The following SETD4 variants were observed in gnomAD, a reference collection of about 807,000 sequenced individuals.
SETD4 encodes SET domain containing 4.
A neutral mutation model predicts 58.3 loss-of-function variants in SETD4; 46 were observed. The observed-to-expected ratio is 0.79, with a 90% confidence interval of 0.62 to 1.01. SETD4 has a LOEUF of 1.01. SETD4 is among the 50% of genes least tolerant of loss of function. SETD4 has a pLI of 0.00. For synonymous variants in SETD4, 190 were observed against 202.6 expected (o/e 0.94, Z 0.53); for missense variants, 490 against 523.3 (o/e 0.94, Z 0.62).
intron 2 of SETD4, among the ~76,000 whole-genome samples, chr21:36,057,744 G>C (rs982609721): frequency 6.6e-6 from 1 of 152,190 alleles, no homozygotes; most frequent in African/African-American, 2.4e-5. Flanking sequence ...GTGTGATATT[G>C]TCAAAACAGA....
chr21:36,056,351 T>C (rs769025098), intron 3 of SETD4, among the ~76,000 whole-genome samples: 2 of 152,238 alleles, frequency 1.3e-5, no homozygotes, highest in Non-Finnish European at 2.9e-5. Flanking sequence ...CAGCCTGCCC[T>C]GTGATGTAGA....
rs540725974 is a variant in SETD4 at position 36,045,824 on chromosome 21, G to A, written c.484C>T (p.Gln162Ter). ...PKSLKAKAEE[Q>*]RAHVQEFFAS... ...AAGAACTCCTGCACGTGGGCTCTCT[G>A]CTCTTCAGCCTTTGCTTTTAAAGAT... Residue 162 changes from glutamine (Q) to a stop codon, truncating the protein, a stop_gained, in exon 6 of 12, where the codon CAG (glutamine) becomes TAG (stop). Transcript: ENST00000332131. LOFTEE classifies it high-confidence loss of function. 1.9e-5 allele frequency: 31 copies of A among 1,614,052 alleles called. 1 individual carries two copies. The South Asian group carries it at 3.3e-4, about 17-fold the overall frequency.
At chr21:36,044,548 C>G (rs1481519008) in intron 6 of SETD4, among the ~76,000 whole-genome samples, 1 of 152,216 alleles carries the variant, frequency 6.6e-6, no homozygotes, top group Non-Finnish European at 1.5e-5. Context: ...TCCTATCACA[C>G]TACACACTCC....
chr21:36,050,336 C>G, intron 4 of SETD4: 2 of 1,613,246 alleles, frequency 1.2e-6, no homozygotes, highest in Non-Finnish European at 1.7e-6. Context: ...AGGAACTGGA[C>G]TTTAGGGCTG....
At chr21:36,043,308 G>T in intron 7 of SETD4, 1 of 250,020 alleles carries the variant, frequency 4.0e-6, no homozygotes, top group South Asian at 1.4e-4. Context: ...GATCACAAAA[G>T]AACATACATG....
At chr21:36,044,478 A>G (rs139522456) in intron 6 of SETD4, among the ~76,000 whole-genome samples, 2 of 152,348 alleles carry the variant, frequency 1.3e-5, no homozygotes, top group Non-Finnish European at 2.9e-5. Flanking sequence ...TTTGGCACAT[A>G]AATGCACCAA....
At chr21:36,058,272 A>C (rs1297027249) in intron 2 of SETD4, among the ~76,000 whole-genome samples, 1 of 152,140 alleles carries the variant, frequency 6.6e-6, no homozygotes, top group Non-Finnish European at 1.5e-5. Context: ...AGGCCAAGGC[A>C]GGAGGACCAC....
intron 1 of SETD4, chr21:36,059,753 T>G: frequency 1.0e-6 from 1 of 985,104 alleles, no homozygotes; most frequent in Non-Finnish European, 1.2e-6. Context: ...AGGGCAGAAA[T>G]GAGCAAGAGA....
chr21:36,057,392 T>TC, intron 2 of SETD4, 188 bp from the exon 3 acceptor site: 2 of 721,112 alleles, frequency 2.8e-6, no homozygotes, highest in South Asian at 3.0e-5. Flanking sequence ...ACTTCTGTAT[T>TC]CCCAGCATTT....
Position 36,034,550 on chromosome 21 carries a change from CG to C in SETD4, c.*1442del, listed in dbSNP as rs1304443492. 1 of 152,118 alleles carries C rather than the reference CG, an allele frequency of 6.6e-6. No homozygotes were observed. The highest frequency in any genetic ancestry group is 1.5e-5 in the Non-Finnish European group (1 of 68,050). The allele number at this position is 152,118 out of a possible 1,614,324, so 9.4% of individuals were successfully genotyped here. A position where few individuals can be genotyped will look rare whatever the true frequency, so the allele number is the denominator to read the frequency against. On this transcript the variant is annotated 3_prime_UTR_variant, in exon 12 of 12. Coordinates refer to ENST00000332131, the MANE Select transcript of SETD4 (RefSeq NM_017438.5). Reference sequence around the variant, plus strand: ...AAGCACAATGACCATGTAGGGTCTGCGAAGTTTTTAATGTTCAAGGGGCTGT... The same window carrying C: ...AAGCACAATGACCATGTAGGGTCTGCAAGTTTTTAATGTTCAAGGGGCTGT...
In SETD4 at chr21:36,045,837, T is replaced by C; in HGVS notation, c.471A>G (p.Ala157=). ...CGTGGGCTCTCTGCTCTTCAGCCTT[T>C]GCTTTTAAAGATTTGGGAAGAAGGT... ...VVNLLPKSLK[A]KAEEQRAHVQ... is the part of the protein sequence containing the mutation. The change falls in exon 6 of 12, where the codon GCA becomes GCG. Residue 157 remains alanine (A), a synonymous_variant. Coordinates refer to ENST00000332131, the MANE Select transcript of SETD4 (RefSeq NM_017438.5). The C allele has an allele frequency of 6.2e-7, 1 of 1,614,186 alleles. No homozygotes were observed. Among genetic ancestry groups the C allele is most frequent in the Non-Finnish European group, 8.5e-7 (1 of 1,180,040 alleles).
At chr21:36,047,867 G>A (rs1304950156) in intron 5 of SETD4, among the ~76,000 whole-genome samples, 2 of 149,620 alleles carry the variant, frequency 1.3e-5, no homozygotes, top group African/African-American at 2.5e-5. Flanking sequence ...TTAGCTGGGC[G>A]TGGTGGCAGG....
intron 9 of SETD4, among the ~76,000 whole-genome samples, chr21:36,038,976 G>A (rs1392432599): frequency 1.3e-5 from 2 of 152,040 alleles, no homozygotes; most frequent in African/African-American, 2.4e-5. Flanking sequence ...TCTGAACACC[G>A]AGAATCTGGA....
chr21:36,053,797 C>A (rs190609233), intron 3 of SETD4, among the ~76,000 whole-genome samples, 177 bp from the exon 4 acceptor site: 1 of 152,314 alleles, frequency 6.6e-6, no homozygotes, highest in Admixed American at 6.5e-5. Flanking sequence ...CAGAAAATGT[C>A]TTGACCTCCA....
At chr21:36,060,292 C>G (rs893166814) in intron 1 of SETD4, 55 bp downstream of exon 1, 2 of 311,342 alleles carry the variant, frequency 6.4e-6, no homozygotes, top group Non-Finnish European at 9.4e-6. Context: ...CCCGCCGACT[C>G]TGCTCCCGTT....
At chr21:36,043,052 C>T (rs916707581) in intron 7 of SETD4, 3 of 152,150 alleles carry the variant, frequency 2.0e-5, no homozygotes, top group Non-Finnish European at 4.4e-5. Context: ...CACTTGAGGC[C>T]AGAGTTCAAG....
chr21:36,053,317 C>T lies in SETD4; in HGVS notation c.207+266G>A. 1.9e-6 allele frequency: 1 copy of T among 522,868 alleles called. No homozygotes were observed. The allele number at this position is 522,868 out of a possible 1,614,324, so 32.4% of individuals were successfully genotyped here. On this transcript the variant is annotated intron_variant, in intron 4 of 11. Transcript: ENST00000332131. ...GGCCTCTGCCAGCCATGGGACTGCC[C>T]CACCAGCCAGGGTCAGCCTACTCCA...
intron 5 of SETD4, 39 bp downstream of exon 5, chr21:36,048,269 A>C (rs1330605965): frequency 6.5e-7 from 1 of 1,544,128 alleles, no homozygotes; most frequent in African/African-American, 1.4e-5. Flanking sequence ...CCTTAAGGAG[A>C]AGCACTTGCA....
At chr21:36,059,871 G>T in intron 1 of SETD4, 1 of 985,452 alleles carries the variant, frequency 1.0e-6, no homozygotes, top group African/African-American at 1.7e-5. Context: ...CGGCTGGTTC[G>T]GTGCGGGTCC....
Sources: gnomAD v4.1 joint callset for allele counts (sites outside exome capture counted in the v4.1 genomes callset) on GRCh38, gnomAD v4.1.1 for gene constraint, MANE v1.5 for transcripts, NCBI Gene and HGNC (gene_info 2026-07-23, HGNC 2026-07-21) for gene names.